MMP16: variants seen among roughly 807,000 people sequenced by gnomAD.
MMP16 encodes matrix metalloproteinase-16.
In MMP16, 12 loss-of-function variants were observed where a neutral mutation model predicts 67.8. That is an observed-to-expected ratio of 0.18 (90% CI 0.11 to 0.29). The LOEUF is 0.29. MMP16 is among the 10% of genes least tolerant of loss of function. The pLI is 1.00. For synonymous variants in MMP16, 249 were observed against 255.9 expected (o/e 0.97, Z 0.26); for missense variants, 475 against 765.7 (o/e 0.62, Z 4.48).
At chr8:88,123,768 G>A (rs998480084) in intron 4 of MMP16, among the ~76,000 whole-genome samples, 5 of 151,764 alleles carry the variant, frequency 3.3e-5, no homozygotes, top group Admixed American at 1.3e-4. Flanking sequence ...AAAGAGTTAG[G>A]TCATAGCTTT....
At position 88,037,775 on chromosome 8, in the gene MMP16, C is replaced by A. The variant is rs1285948984; in HGVS notation, c.*3686G>T. The A allele has an allele frequency of 6.6e-6, 1 of 151,932 alleles. No individual in the cohort carries two copies. The highest frequency in any genetic ancestry group is 6.6e-5 in the Admixed American group (1 of 15,224). The allele number at this position is 151,932 out of a possible 1,614,324, so 9.4% of individuals were successfully genotyped here. ...TAATACACAGAACAACAATATTTTA[C>A]TAAAATTCTTAACTATATGGTCATT... On this transcript the variant is annotated 3_prime_UTR_variant, in exon 10 of 10. Transcript: ENST00000286614.
At chr8:88,149,524 G>A (rs13253330) in intron 4 of MMP16, among the ~76,000 whole-genome samples, 105 of 152,150 alleles carry the variant, frequency 6.9e-4, no homozygotes, top group African/African-American at 2.0e-3. Context: ...GAGAACGGGG[G>A]GACTGCCTCC....
chr8:88,056,613 A>T (rs1278303956), intron 7 of MMP16, among the ~76,000 whole-genome samples: 8 of 152,120 alleles, frequency 5.3e-5, no homozygotes, highest in Non-Finnish European at 1.2e-4. Flanking sequence ...TTCCCCTAAG[A>T]ATTAGAGGTC....
At chr8:88,324,098 C>A (rs1485823171) in intron 1 of MMP16, among the ~76,000 whole-genome samples, 1 of 152,066 alleles carries the variant, frequency 6.6e-6, no homozygotes, top group Non-Finnish European at 1.5e-5. Context: ...TAAAAGTGTT[C>A]CACTTGAAAT....
chr8:88,110,970 A>G (rs2118410525), intron 6 of MMP16, among the ~76,000 whole-genome samples: 1 of 151,834 alleles, frequency 6.6e-6, no homozygotes, highest in Admixed American at 6.6e-5. Flanking sequence ...GATCAGATAT[A>G]CTTAGCAAAT....
intron 1 of MMP16, among the ~76,000 whole-genome samples, chr8:88,265,029 A>G (rs1475104669): frequency 6.6e-6 from 1 of 152,210 alleles, no homozygotes; most frequent in Non-Finnish European, 1.5e-5. Context: ...GATGAACTTG[A>G]GACCTGAGAA....
At chr8:88,287,547 G>C (rs1224981473) in intron 1 of MMP16, among the ~76,000 whole-genome samples, 5 of 152,062 alleles carry the variant, frequency 3.3e-5, no homozygotes, top group Non-Finnish European at 7.4e-5. Context: ...CAGAAATCAT[G>C]CCTCTTTTTG....
Position 88,275,438 on chromosome 8 carries a change from A to G in MMP16, c.132+51637T>C, listed in dbSNP as rs969849287. 5.3e-5 allele frequency among the ~76,000 whole-genome samples: 8 copies of G among 152,092 alleles called. No homozygotes were observed. In the East Asian group the frequency reaches 1.5e-3, roughly 29 times the overall value. On this transcript the variant is annotated intron_variant, in intron 1 of 9. Transcript: ENST00000286614. ...TTTGAATAATGACTTTAGTTCCAAT[A>G]TAGCTTAGCCATTTTTTTCAGGATC...
intron 4 of MMP16, among the ~76,000 whole-genome samples, chr8:88,146,005 G>A (rs934868992): frequency 1.3e-5 from 2 of 151,932 alleles, no homozygotes; most frequent in African/African-American, 2.4e-5. Flanking sequence ...TGAGAAATGC[G>A]GTTCTAGACA....
At position 88,165,136 on chromosome 8, in the gene MMP16, A is replaced by G. The variant is rs574078098; in HGVS notation, c.709+2533T>C. 4.3e-4 allele frequency among the ~76,000 whole-genome samples: 64 copies of G among 149,060 alleles called. 1 individual carries two copies. The highest frequency in any genetic ancestry group is 1.5e-3 in the African/African-American group (61 of 40,636). On this transcript the variant is annotated intron_variant, in intron 4 of 9. Coordinates refer to ENST00000286614, the MANE Select transcript of MMP16 (RefSeq NM_005941.5). ...GGTAGGAGGATTGCTTCAGCCCAAG[A>G]GTTCAAGTCCAGCCTGGGCAAAATA...
intron 7 of MMP16, among the ~76,000 whole-genome samples, chr8:88,071,942 A>G (rs1808563966): frequency 6.6e-6 from 1 of 152,170 alleles, no homozygotes; most frequent in African/African-American, 2.4e-5. Context: ...CCAGTTTAAG[A>G]TATTGGGGAT....
chr8:88,197,475 T>C (rs1235353288), intron 1 of MMP16, among the ~76,000 whole-genome samples, 169 bp from the exon 2 acceptor site: 1 of 152,208 alleles, frequency 6.6e-6, no homozygotes, highest in African/African-American at 2.4e-5. Flanking sequence ...GGTTAGGTTA[T>C]TTTAATATAA....
intron 1 of MMP16, among the ~76,000 whole-genome samples, chr8:88,261,995 A>C (rs1440189552): frequency 6.6e-6 from 1 of 152,178 alleles, no homozygotes; most frequent in Non-Finnish European, 1.5e-5. Context: ...AGGTCTAAAG[A>C]CTATGAGCTC....
intron 1 of MMP16, among the ~76,000 whole-genome samples, chr8:88,252,957 A>G (rs79898937): frequency 2.6e-5 from 4 of 152,122 alleles, no homozygotes; most frequent in African/African-American, 9.7e-5. Context: ...TAAATGTGCA[A>G]TTCTCTGGGA....
chr8:88,114,437 T>A (rs1444566851), intron 6 of MMP16, among the ~76,000 whole-genome samples: 1 of 151,976 alleles, frequency 6.6e-6, no homozygotes, highest in Non-Finnish European at 1.5e-5. Flanking sequence ...TTACTTTTAC[T>A]CTTACGTATT....
intron 1 of MMP16, among the ~76,000 whole-genome samples, chr8:88,231,014 T>C (rs987122470): frequency 2.0e-5 from 3 of 152,120 alleles, no homozygotes; most frequent in South Asian, 4.1e-4. Flanking sequence ...AAATAGACAT[T>C]AAAAACTTCC....
chr8:88,048,817 T>C (rs1808231910), intron 8 of MMP16, among the ~76,000 whole-genome samples: 1 of 152,224 alleles, frequency 6.6e-6, no homozygotes, highest in Non-Finnish European at 1.5e-5. Flanking sequence ...AAAATTATCT[T>C]TGACTTAGCC....
chr8:88,206,800 A>G (rs2129806971), intron 1 of MMP16, among the ~76,000 whole-genome samples: 1 of 152,276 alleles, frequency 6.6e-6, no homozygotes, highest in African/African-American at 2.4e-5. Flanking sequence ...AAAATTGGTT[A>G]TGTTACACAT....
intron 7 of MMP16, among the ~76,000 whole-genome samples, chr8:88,063,412 A>G (rs1271439506): frequency 3.3e-5 from 5 of 152,054 alleles, no homozygotes; most frequent in Admixed American, 2.0e-4. Context: ...TAGACAGTCA[A>G]CAAATAATCC....
Sources: gnomAD v4.1 joint callset for allele counts (sites outside exome capture counted in the v4.1 genomes callset) on GRCh38, gnomAD v4.1.1 for gene constraint, MANE v1.5 for transcripts, NCBI Gene and HGNC (gene_info 2026-07-23, HGNC 2026-07-21) for gene names.